AKAP6: variants seen among roughly 807,000 people sequenced by gnomAD.
AKAP6 encodes A-kinase anchoring protein 6, also known as A-kinase anchor protein 6.
In AKAP6, 58 loss-of-function variants were observed where a neutral mutation model predicts 188.5. The ratio of observed to expected loss-of-function variants is 0.31; its 90% CI spans 0.25 to 0.38. The LOEUF (loss-of-function observed/expected upper bound fraction) is 0.38, where lower values mean the gene tolerates loss of function less well. Among genes scored for constraint, AKAP6 ranks in the 10% least tolerant of loss-of-function variants. The probability of loss-of-function intolerance (pLI) is 1.00; values close to 1 mark genes in which losing one functional copy is unlikely to be tolerated. For missense variants in AKAP6, 2,710 were observed against 2,740.0 expected (o/e 0.99, Z 0.24); for synonymous variants, 989 against 998.6 (o/e 0.99, Z 0.18).
intron 1 of AKAP6, among the ~76,000 whole-genome samples, chr14:32,385,929 ATATAT>A (rs1305265385): frequency 6.1e-5 from 9 of 148,738 alleles, no homozygotes; most frequent in South Asian, 2.1e-4. Context: ...ATTATAGTTC[ATATAT>A]TATATATTAT....
At chr14:32,710,067 A>G (rs1398220767) in intron 9 of AKAP6, among the ~76,000 whole-genome samples, 1 of 152,008 alleles carries the variant, frequency 6.6e-6, no homozygotes, top group Non-Finnish European at 1.5e-5. Context: ...ACTATCTCTT[A>G]TTAACAGTTA....
chr14:32,478,730 G>T (rs1274157892), intron 2 of AKAP6, among the ~76,000 whole-genome samples: 3 of 152,124 alleles, frequency 2.0e-5, no homozygotes, highest in East Asian at 3.9e-4. Flanking sequence ...TATAAAGAAA[G>T]ATGATTATCA....
chr14:32,352,118 T>A (rs1258848861), intron 1 of AKAP6, among the ~76,000 whole-genome samples: 2 of 144,552 alleles, frequency 1.4e-5, no homozygotes, highest in African/African-American at 2.6e-5. Context: ...TGTGTGTGTG[T>A]GTGTGTGTGT....
chr14:32,375,242 G>A (rs1284789090), intron 1 of AKAP6, among the ~76,000 whole-genome samples: 2 of 152,164 alleles, frequency 1.3e-5, no homozygotes, highest in South Asian at 2.1e-4. Flanking sequence ...TAGCTTTGAC[G>A]ACTGGGTGTT....
chr14:32,694,368 A>G (rs1890308997), intron 8 of AKAP6, among the ~76,000 whole-genome samples: 1 of 142,604 alleles, frequency 7.0e-6, no homozygotes, highest in Non-Finnish European at 1.5e-5. Flanking sequence ...CTCAAAAAAA[A>G]AAACAAAAAA....
chr14:32,756,621 G>A (rs536413963), intron 11 of AKAP6, among the ~76,000 whole-genome samples: 22 of 152,292 alleles, frequency 1.4e-4, no homozygotes, highest in South Asian at 1.2e-3. Flanking sequence ...AGGGTAGGGC[G>A]TGGAGGCTGG....
At chr14:32,362,591 G>A (rs1384327605) in intron 1 of AKAP6, among the ~76,000 whole-genome samples, 2 of 152,158 alleles carry the variant, frequency 1.3e-5, no homozygotes, top group Non-Finnish European at 1.5e-5. Flanking sequence ...AGGATGAAGA[G>A]CACATGCAAA....
At chr14:32,414,704 G>A (rs1166401094) in intron 1 of AKAP6, among the ~76,000 whole-genome samples, 1 of 152,080 alleles carries the variant, frequency 6.6e-6, no homozygotes, top group Non-Finnish European at 1.5e-5. Flanking sequence ...TTGTCCTTAT[G>A]TAGGCAGTGT....
chr14:32,793,247 A>G (rs1011487959), intron 12 of AKAP6, among the ~76,000 whole-genome samples: 3 of 152,228 alleles, frequency 2.0e-5, no homozygotes, highest in African/African-American at 4.8e-5. Flanking sequence ...ATAAAGAGCC[A>G]AGACCCATCA....
At chr14:32,342,704 GTGT>G (rs1886928376) in intron 1 of AKAP6, among the ~76,000 whole-genome samples, 1 of 152,162 alleles carries the variant, frequency 6.6e-6, no homozygotes, top group African/African-American at 2.4e-5. Flanking sequence ...AGAAAATGCA[GTGT>G]CAGCGCTGGA....
intron 8 of AKAP6, among the ~76,000 whole-genome samples, chr14:32,692,508 A>G (rs1039924058): frequency 5.9e-5 from 9 of 152,218 alleles, no homozygotes; most frequent in Non-Finnish European, 1.3e-4. Flanking sequence ...TGAATTTACC[A>G]TTTTAATATA....
At position 32,545,734 on chromosome 14, in the gene AKAP6, C is replaced by A. The variant is rs142279829; in HGVS notation, c.1081C>A (p.Pro361Thr). 129 of 1,614,066 alleles carry A rather than the reference C, an allele frequency of 8.0e-5. No individual in the cohort carries two copies. Among genetic ancestry groups the A allele is most frequent in the Non-Finnish European group, 1.0e-4 (121 of 1,180,030 alleles). The stretch of plus-strand genomic sequence containing the variant: ...CCATCATGATGCAAAGAATCAGCAG[C>A]CTGTTCCTTGTGAAAATGCAACCCC... ...SSHHDAKNQQ[P>T]VPCENATPKR... is the part of the protein sequence containing the mutation. The change falls in exon 4 of 14, where the codon CCT becomes ACT. Residue 361 changes from proline (P) to threonine (T), a missense_variant. Around this residue, in one of 2 missense-constraint regions of AKAP6, gnomAD observed 2,473 missense variants for 2,426.1 expected, o/e 1.02. Transcript: ENST00000280979.
rs1240393511 is a variant in AKAP6 at position 32,824,236 on chromosome 14, C to T, written c.6423C>T (p.Thr2141=). The stretch of plus-strand genomic sequence containing the variant: ...GCAGCACTCCATTGCCACTAGACAC[C>T]ACTGACTCGGGCTTAGATGACAAGG... The part of the protein sequence containing the change: ...EKSSTPLPLD[T]TDSGLDDKED... The change falls in exon 13 of 14, where the codon ACC becomes ACT. Residue 2141 remains threonine (T), a synonymous_variant. Coordinates refer to ENST00000280979, the MANE Select transcript of AKAP6 (RefSeq NM_004274.5). 1.9e-6 allele frequency: 3 copies of T among 1,613,854 alleles called. No individual in the cohort carries two copies. Among genetic ancestry groups the T allele is most frequent in the African/African-American group, 1.3e-5 (1 of 74,904 alleles).
At chr14:32,699,588 T>C (rs1890544448) in intron 9 of AKAP6, among the ~76,000 whole-genome samples, 1 of 152,172 alleles carries the variant, frequency 6.6e-6, no homozygotes, top group African/African-American at 2.4e-5. Flanking sequence ...AAATGTACTT[T>C]CTTCTTTGTT....
intron 2 of AKAP6, among the ~76,000 whole-genome samples, chr14:32,461,267 G>A (rs894814505): frequency 3.9e-5 from 6 of 152,270 alleles, no homozygotes; most frequent in African/African-American, 4.8e-5. Context: ...CCTGACCCCC[G>A]TGCCTCCTGA....
chr14:32,671,387 A>G (rs1220327345), intron 7 of AKAP6, among the ~76,000 whole-genome samples: 2 of 152,230 alleles, frequency 1.3e-5, no homozygotes, highest in Non-Finnish European at 2.9e-5. Flanking sequence ...AACAGCAAGT[A>G]TAAACAATTC....
rs2034628800 is a variant in AKAP6 at position 32,824,646 on chromosome 14, A to G, written c.6833A>G (p.Gln2278Arg). Reference protein sequence around the residue: ...HNAASAKSKVQDLSLKANQPT... With the variant: ...HNAASAKSKVRDLSLKANQPT... ...GCTGCTTCAGCCAAATCTAAAGTTC[A>G]AGACCTCTCCTTGAAGGCAAATCAG... is the stretch of plus-strand genomic sequence containing the variant. Residue 2278 changes from glutamine (Q) to arginine (R), a missense_variant, in exon 13 of 14, where the codon CAA (glutamine) becomes CGA (arginine). By Grantham distance (43) the Gln-to-Arg change is conservative. This residue lies in a region of AKAP6 where 2,473 missense variants were observed against 2,426.1 expected (regional missense o/e 1.02). Transcript: ENST00000280979. 1 of 1,613,834 alleles carries G rather than the reference A, an allele frequency of 6.2e-7. No homozygotes were observed. Among genetic ancestry groups the G allele is most frequent in the South Asian group, 1.1e-5 (1 of 91,088 alleles).
chr14:32,756,192 A>G (rs917618389), intron 11 of AKAP6, among the ~76,000 whole-genome samples: 13 of 152,018 alleles, frequency 8.6e-5, no homozygotes, highest in Non-Finnish European at 1.3e-4. Context: ...ATCTACCAGG[A>G]CAGGCCTGAA....
At chr14:32,706,508 G>A (rs968572539) in intron 9 of AKAP6, among the ~76,000 whole-genome samples, 11 of 151,994 alleles carry the variant, frequency 7.2e-5, no homozygotes, top group Admixed American at 2.0e-4. Flanking sequence ...TCAACCTCCT[G>A]GATCCCGTTA....
Sources: gnomAD v4.1 joint callset for allele counts (sites outside exome capture counted in the v4.1 genomes callset) on GRCh38, gnomAD v4.1.1 for gene constraint, gnomAD v4.1.1 regional missense constraint, MANE v1.5 for transcripts, NCBI Gene and HGNC (gene_info 2026-07-23, HGNC 2026-07-21) for gene names.